The following ZSCAN25 variants were observed in gnomAD, a reference collection of about 807,000 sequenced individuals.
The protein encoded by ZSCAN25 is zinc finger and SCAN domain-containing protein 25.
A neutral mutation model predicts 38.7 loss-of-function variants in ZSCAN25; 27 were observed. That is an observed-to-expected ratio of 0.70 (90% confidence interval 0.51 to 0.96). ZSCAN25 has a LOEUF of 0.96. Ranked by LOEUF, ZSCAN25 falls within the 40% of genes least tolerant of loss-of-function variation. The pLI is 0.00. For missense variants in ZSCAN25, 637 were observed against 705.9 expected (o/e 0.90, Z 1.11); for synonymous variants, 273 against 277.7 (o/e 0.98, Z 0.17).
At position 99,623,995 on chromosome 7, in the gene ZSCAN25, A is replaced by G. The variant is rs544805664; in HGVS notation, c.682-62A>G. ...GTTGGGAGGAAGTTGGATTACAGAC[A>G]TGAGCCACTGTCTCTGGCCTAGGAT... On this transcript the variant is annotated intron_variant, in intron 6 of 7. Transcript: ENST00000394152. 24 of 1,610,268 alleles carry G rather than the reference A, an allele frequency of 1.5e-5. No homozygotes were observed. The Admixed American group carries it at 2.2e-4, about 15-fold the overall frequency.
chr7:99,717,591 C>T, the ZSCAN25 span: 7 of 1,613,632 alleles, frequency 4.3e-6, no homozygotes, highest in South Asian at 7.7e-5. Context: ...CATTCTTCAT[C>T]CTCAGCTATA....
intron 6 of ZSCAN25, 106 bp from the exon 7 acceptor site, chr7:99,623,951 A>C: frequency 4.0e-6 from 6 of 1,503,578 alleles, no homozygotes; most frequent in Non-Finnish European, 5.5e-6. Flanking sequence ...ACTCCCATTC[A>C]ACTGTTGGGA....
the ZSCAN25 span, among the ~76,000 whole-genome samples, chr7:99,687,839 A>C: frequency 6.6e-6 from 1 of 152,246 alleles, no homozygotes; most frequent in African/African-American, 2.4e-5. Flanking sequence ...GAAACTCTAC[A>C]AGGCAGAAGA....
intron 6 of ZSCAN25, among the ~76,000 whole-genome samples, chr7:99,623,639 A>G (rs897170080): frequency 3.3e-5 from 5 of 152,236 alleles, no homozygotes; most frequent in Admixed American, 3.3e-4. Flanking sequence ...GGGATGAGGA[A>G]TGACATCAGT....
Position 99,629,196 on chromosome 7 carries a change from G to A in ZSCAN25, c.811G>A (p.Gly271Arg), listed in dbSNP as rs886482616. The change falls in exon 8 of 8, where the codon GGG (glycine) becomes AGG (arginine). Residue 271 changes from glycine (G) to arginine (R), a missense_variant. Gly to Arg is a moderately radical substitution (Grantham distance 125). Transcript: ENST00000394152. This position sits in a 1 kb window ranked among gnomAD's most constrained non-coding sequence, Gnocchi z 5.6. ...TATCTCCTCCTGTCCTGTAGGCGGT[G>A]GGAGCAAGGAAAAGGAGGCAAAACC... ...PQDCRVSPGG[G>R]SKEKEAKPPQ... The A allele has an allele frequency of 2.5e-6, 4 of 1,607,682 alleles. No individual in the cohort carries two copies. Among genetic ancestry groups the A allele is most frequent in the South Asian group, 1.1e-5 (1 of 90,368 alleles).
At chr7:99,699,921 A>T in the ZSCAN25 span, 2 of 1,350,454 alleles carry the variant, frequency 1.5e-6, no homozygotes, top group Non-Finnish European at 2.1e-6. Flanking sequence ...GTAGCACCCC[A>T]AGTCCAAGTT....
chr7:99,627,131 G>A (rs998484937), intron 7 of ZSCAN25, among the ~76,000 whole-genome samples: 5 of 152,184 alleles, frequency 3.3e-5, no homozygotes, highest in African/African-American at 9.7e-5. Context: ...GCTGTATAAT[G>A]TGTGTTTTGT....
the ZSCAN25 span, among the ~76,000 whole-genome samples, chr7:99,675,650 TCC>T: frequency 0.012 from 3 of 260 alleles, no homozygotes; most frequent in Non-Finnish European, 0.02. Context: ...TCCTCCCCCC[TCC>T]CCTCCCCTCC....
rs1806776295 is a variant in ZSCAN25, at chr7:99,619,718, C to G, written c.112C>G (p.Pro38Ala). The change falls in exon 4 of 8, where the codon CCA (proline) becomes GCA (alanine). Residue 38 changes from proline (P) to alanine (A), a missense_variant. Transcript: ENST00000394152. Reference protein sequence around the residue: ...PWGRGREDPSPETFRLRFRQF... With the variant: ...PWGRGREDPSAETFRLRFRQF... ...GGGCAGAGGAAGGGAGGACCCTAGT[C>G]CAGAGACTTTTCGGCTGAGGTTTCG... The G allele has an allele frequency of 1.9e-6, 3 of 1,614,096 alleles. No individual in the cohort carries two copies. The highest frequency in any genetic ancestry group is 1.7e-5 in the Admixed American group (1 of 60,006).
the ZSCAN25 span, chr7:99,648,478 T>C: frequency 8.2e-7 from 1 of 1,218,478 alleles, no homozygotes; most frequent in African/African-American, 1.5e-5. Context: ...GTAGAAAAAA[T>C]ATGACAAAAA....
chr7:99,660,769 C>A, the ZSCAN25 span: 1 of 1,332,664 alleles, frequency 7.5e-7, no homozygotes. Context: ...AATGGAAAAG[C>A]AATTCAAAGT....
At chr7:99,647,459 T>G in the ZSCAN25 span, 1 of 984,084 alleles carries the variant, frequency 1.0e-6, no homozygotes, top group East Asian at 1.1e-4. Flanking sequence ...GAATTGACAA[T>G]TTTTTATTCA....
intron 7 of ZSCAN25, 98 bp downstream of exon 7, chr7:99,624,278 G>A (rs1584355479): frequency 2.0e-6 from 3 of 1,537,434 alleles, no homozygotes; most frequent in Non-Finnish European, 1.8e-6. Flanking sequence ...AAAGGAAGGG[G>A]ACTTCATGGC....
chr7:99,645,509 T>C, the ZSCAN25 span, among the ~76,000 whole-genome samples: 5 of 152,216 alleles, frequency 3.3e-5, no homozygotes, highest in African/African-American at 1.2e-4. Context: ...TTTCTGTCTT[T>C]AGATCTTTGA....
Position 99,631,160 on chromosome 7 carries a change from A to G in ZSCAN25, c.*1140A>G. On this transcript the variant is annotated 3_prime_UTR_variant, in exon 8 of 8. Transcript: ENST00000394152. ...ATTCCTGCAAATCCTCTGGGCCTGTATTCATTGCTTTGTCAGCATCTTGCC... is the reference window on the plus strand; with the variant it reads ...ATTCCTGCAAATCCTCTGGGCCTGTGTTCATTGCTTTGTCAGCATCTTGCC... The G allele has an allele frequency of 5.1e-6, 5 of 985,346 alleles. No individual in the cohort carries two copies. Among genetic ancestry groups the G allele is most frequent in the Non-Finnish European group, 6.0e-6 (5 of 829,918 alleles). 61.0% of individuals were successfully genotyped at this position (985,346 alleles called of 1,614,324 possible). A position where few individuals can be genotyped will look rare whatever the true frequency, so the allele number is the denominator to read the frequency against.
At chr7:99,621,651 G>A (rs768966675) in intron 5 of ZSCAN25, 77 bp downstream of exon 5, 26 of 1,184,964 alleles carry the variant, frequency 2.2e-5, no homozygotes, top group Non-Finnish European at 2.7e-5. Context: ...CAGAAACCCA[G>A]CAATGGAGCA....
chr7:99,715,107 C>T, the ZSCAN25 span, among the ~76,000 whole-genome samples: 4 of 151,960 alleles, frequency 2.6e-5, no homozygotes, highest in South Asian at 2.1e-4. Context: ...AATAAGGTAA[C>T]GAAAATTGGG....
chr7:99,716,029 A>G, the ZSCAN25 span: 1 of 1,578,648 alleles, frequency 6.3e-7, no homozygotes, highest in Non-Finnish European at 8.7e-7. Context: ...TTTCAGAACT[A>G]TTTACTGGAG....
At chr7:99,708,976 G>A in the ZSCAN25 span, 9 of 1,580,696 alleles carry the variant, frequency 5.7e-6, no homozygotes, top group African/African-American at 1.2e-4. Context: ...CTGTAGAGAG[G>A]CAGAATATGC....
Sources: gnomAD v4.1 joint callset for allele counts (sites outside exome capture counted in the v4.1 genomes callset) on GRCh38, gnomAD v4.1.1 for gene constraint, Gnocchi (gnomAD v3.1) non-coding constraint, MANE v1.5 for transcripts, NCBI Gene and HGNC (gene_info 2026-07-23, HGNC 2026-07-21) for gene names.